The following NALCN variants were observed in gnomAD, a reference collection of about 807,000 sequenced individuals.
The protein encoded by NALCN is sodium leak channel, non-selective.
In NALCN, 111 loss-of-function variants were observed where a neutral mutation model predicts 225.3. The ratio of observed to expected loss-of-function variants is 0.49; its 90% CI spans 0.42 to 0.58. The LOEUF is 0.58. Among genes scored for constraint, NALCN ranks in the 20% least tolerant of loss-of-function variants. NALCN has a pLI of 0.00. For synonymous variants in NALCN, 764 were observed against 769.0 expected, an observed-to-expected ratio of 0.99 and a Z score of 0.11; for missense variants, 1,378 against 2,202.4, an observed-to-expected ratio of 0.63 and a Z score of 7.49.
intron 10 of NALCN, among the ~76,000 whole-genome samples, chr13:101,274,489 AT>A (rs1453078418): frequency 1.3e-5 from 2 of 152,188 alleles, no homozygotes; most frequent in African/African-American, 4.8e-5. Flanking sequence ...ACCTACCTTT[AT>A]GGTGCTGTGA....
chr13:101,316,047 T>C (rs1191374316), intron 7 of NALCN, among the ~76,000 whole-genome samples: 2 of 152,106 alleles, frequency 1.3e-5, no homozygotes, highest in African/African-American at 2.4e-5. Flanking sequence ...AGTCACCCAA[T>C]ACTCAAGTGA....
intron 14 of NALCN, chr13:101,180,631 G>A (rs868091590): frequency 1.0e-4 from 17 of 168,798 alleles, no homozygotes; most frequent in African/African-American, 3.8e-4. Context: ...GGGATATTCC[G>A]GGCCTCTCCA....
At chr13:101,267,620 T>G (rs1251588713) in intron 10 of NALCN, among the ~76,000 whole-genome samples, 1 of 152,204 alleles carries the variant, frequency 6.6e-6, no homozygotes. Flanking sequence ...ACATCAACCC[T>G]GCAGCCTAGC....
intron 6 of NALCN, among the ~76,000 whole-genome samples, chr13:101,376,343 CT>C (rs1218040136): frequency 1.3e-5 from 2 of 151,924 alleles, no homozygotes. Context: ...GAATACTTGT[CT>C]TTAAAAATTG....
chr13:101,143,018 G>C, intron 17 of NALCN, 62 bp downstream of exon 17: 2 of 1,590,524 alleles, frequency 1.3e-6, no homozygotes, highest in Non-Finnish European at 8.6e-7. Flanking sequence ...AGAACTCTGC[G>C]GTTCTTTTCT....
Position 101,067,073 on chromosome 13 carries a change from A to G in NALCN, c.4446+845T>C, listed in dbSNP as rs537593157. ...AGACTGTAAGCTCTGTGAGTACAGG[A>G]GCTGTTCCATCTTGTTCACTGCTAT... is the stretch of plus-strand genomic sequence containing the variant. On this transcript the variant is annotated intron_variant, in intron 39 of 43. Coordinates refer to ENST00000251127, the MANE Select transcript of NALCN (RefSeq NM_052867.4). Among the ~76,000 whole-genome samples the G allele has an allele frequency of 2.0e-5, 3 of 151,846 alleles. No homozygotes were observed. The East Asian group carries it at 5.8e-4, about 30-fold the overall frequency.
At chr13:101,200,496 G>C (rs1017095002) in intron 13 of NALCN, among the ~76,000 whole-genome samples, 7 of 152,182 alleles carry the variant, frequency 4.6e-5, no homozygotes, top group Admixed American at 1.3e-4. Flanking sequence ...TTGAGATTAA[G>C]AGCGTCGGAT....
At chr13:101,379,999 T>C (rs929392654) in intron 3 of NALCN, among the ~76,000 whole-genome samples, 8 of 152,100 alleles carry the variant, frequency 5.3e-5, no homozygotes, top group African/African-American at 1.7e-4. Context: ...TATTAGATCA[T>C]TAAGGCAAAA....
chr13:101,161,380 A>G (rs588083), intron 15 of NALCN, among the ~76,000 whole-genome samples: 80,049 of 152,056 alleles, frequency 0.53, 21,439 homozygotes, highest in African/African-American at 0.65. Context: ...AGTGTTTCTT[A>G]ACTCAGTTAA....
chr13:101,184,363 G>T (rs1046574596), intron 14 of NALCN, among the ~76,000 whole-genome samples: 2 of 152,082 alleles, frequency 1.3e-5, no homozygotes, highest in African/African-American at 4.8e-5. Flanking sequence ...CTGGACCAGG[G>T]TCTCACAGGC....
At chr13:101,185,646 A>T (rs2039417139) in intron 14 of NALCN, among the ~76,000 whole-genome samples, 1 of 152,264 alleles carries the variant, frequency 6.6e-6, no homozygotes, top group Non-Finnish European at 1.5e-5. Flanking sequence ...CATGGAGGTT[A>T]TGAATATGCA....
At chr13:101,073,395 T>C (rs971164530) in intron 37 of NALCN, among the ~76,000 whole-genome samples, 189 bp downstream of exon 37, 1 of 152,212 alleles carries the variant, frequency 6.6e-6, no homozygotes, top group Admixed American at 6.5e-5. Context: ...GTTGGGTTAA[T>C]TGAGTATTTT....
chr13:101,124,127 C>T (rs534232483), intron 18 of NALCN, among the ~76,000 whole-genome samples: 20 of 152,268 alleles, frequency 1.3e-4, no homozygotes, highest in South Asian at 1.0e-3. Flanking sequence ...TTCATTTCAG[C>T]GCATCTTCTA....
At chr13:101,193,998 A>C (rs937375543) in intron 13 of NALCN, among the ~76,000 whole-genome samples, 10 of 152,236 alleles carry the variant, frequency 6.6e-5, no homozygotes, top group African/African-American at 2.2e-4. Context: ...TTCTTTCCCC[A>C]AAAGTAGCAG....
intron 11 of NALCN, among the ~76,000 whole-genome samples, chr13:101,254,890 C>CAAAAAA (rs149258180): frequency 5.2e-5 from 2 of 38,474 alleles, no homozygotes; most frequent in Admixed American, 3.1e-4. Flanking sequence ...GACTCTGTCT[C>CAAAAAA]AAAAAAAAAA....
At chr13:101,298,032 T>C (rs578078647) in intron 7 of NALCN, among the ~76,000 whole-genome samples, 88 of 152,226 alleles carry the variant, frequency 5.8e-4, no homozygotes, top group Non-Finnish European at 1.1e-3. Context: ...CCACTATACA[T>C]GGATGACTAT....
chr13:101,306,281 A>G (rs944922937), intron 7 of NALCN, among the ~76,000 whole-genome samples: 2 of 152,116 alleles, frequency 1.3e-5, no homozygotes, highest in African/African-American at 4.8e-5. Flanking sequence ...CCCTTCCCAC[A>G]GTATCTATCA....
intron 15 of NALCN, among the ~76,000 whole-genome samples, chr13:101,174,562 A>G (rs1442819774): frequency 6.6e-6 from 1 of 152,200 alleles, no homozygotes; most frequent in Non-Finnish European, 1.5e-5. Flanking sequence ...AAGATGACAA[A>G]AAATTTAAGT....
In NALCN at chr13:101,349,643, C is replaced by T. The variant is rs1335396157; in HGVS notation, c.645-4223G>A. Among the ~76,000 whole-genome samples, 3 of 148,852 alleles carry T rather than the reference C, an allele frequency of 2.0e-5. No individual in the cohort carries two copies. In the East Asian group the frequency reaches 6.0e-4, roughly 30 times the overall value. On this transcript the variant is annotated intron_variant, in intron 6 of 43. Coordinates refer to ENST00000251127, the MANE Select transcript of NALCN (RefSeq NM_052867.4). ...ATATTTCTTAGGCCATTCTGCTTTT[C>T]CATCTCCTCTAGTCGTGAGCTGACC...
Sources: gnomAD v4.1 joint callset for allele counts (sites outside exome capture counted in the v4.1 genomes callset) on GRCh38, gnomAD v4.1.1 for gene constraint, MANE v1.5 for transcripts, NCBI Gene and HGNC (gene_info 2026-07-23, HGNC 2026-07-21) for gene names.